Variants in HNF4A observed in about 807,000 individuals in gnomAD.
HNF4A encodes the protein hepatocyte nuclear factor 4 alpha.
Under a neutral mutation model 52.4 loss-of-function variants are expected in HNF4A, and 15 were observed. That is an observed-to-expected ratio of 0.29 (90% confidence interval 0.19 to 0.44). HNF4A has a LOEUF of 0.44. Among genes scored for constraint, HNF4A ranks in the 20% least tolerant of loss-of-function variants. The pLI, the probability that HNF4A is intolerant of heterozygous loss-of-function variation, is 1.00. For synonymous variants in HNF4A, 280 were observed against 264.4 expected (o/e 1.06, Z -0.57); for missense variants, 479 against 647.2 (o/e 0.74, Z 2.82).
intron 1 of HNF4A, among the ~76,000 whole-genome samples, chr20:44,367,473 G>A (rs1013198712): frequency 2.7e-5 from 4 of 150,598 alleles, no homozygotes; most frequent in African/African-American, 9.8e-5. Context: ...GTGAAATGCC[G>A]TCTTTACTAA....
chr20:44,381,723 G>A (rs542235932), intron 1 of HNF4A, among the ~76,000 whole-genome samples: 1 of 152,222 alleles, frequency 6.6e-6, no homozygotes, highest in East Asian at 1.9e-4. Flanking sequence ...TGATTCTTGT[G>A]CCTCAGCCTC....
intron 3 of HNF4A, among the ~76,000 whole-genome samples, chr20:44,409,855 T>G (rs1169862129): frequency 1.6e-5 from 2 of 125,170 alleles, no homozygotes; most frequent in Non-Finnish European, 3.4e-5. Flanking sequence ...TTTTTTTTTT[T>G]AGATGGAATT....
At chr20:44,382,048 G>C (rs1482584176) in intron 1 of HNF4A, among the ~76,000 whole-genome samples, 3 of 152,150 alleles carry the variant, frequency 2.0e-5, no homozygotes, top group African/African-American at 4.8e-5. Flanking sequence ...TATAGATGAA[G>C]CAAATAAGGC....
chr20:44,404,216 GA>G (rs2063450065), intron 1 of HNF4A, among the ~76,000 whole-genome samples: 2 of 152,178 alleles, frequency 1.3e-5, no homozygotes, highest in African/African-American at 4.8e-5. Context: ...ATACACATAT[GA>G]GAATTCACCG....
chr20:44,405,936 G>T lies in HNF4A; in HGVS notation c.116-122G>T, dbSNP rs1419870644. 5 of 909,542 alleles carry T rather than the reference G, an allele frequency of 5.5e-6. No homozygotes were observed. In the African/African-American group the frequency reaches 8.1e-5, roughly 15 times the overall value. 56.3% of individuals were successfully genotyped at this position (909,542 alleles called of 1,614,324 possible). A position where few individuals can be genotyped will look rare whatever the true frequency, so the allele number is the denominator to read the frequency against. On this transcript the variant is annotated intron_variant, in intron 1 of 9. Transcript: ENST00000316099. The stretch of plus-strand genomic sequence containing the variant: ...GGAGGTCACTGAGTGGGGAGGTGAT[G>T]GAGTGGGAACAGCCCCCAGATCTGG...
intron 1 of HNF4A, among the ~76,000 whole-genome samples, chr20:44,378,944 A>G (rs1439654074): frequency 4.6e-5 from 7 of 151,526 alleles, no homozygotes; most frequent in Non-Finnish European, 1.0e-4. Flanking sequence ...AGAAAAGAAA[A>G]GAAAAGAAAA....
At chr20:44,376,412 T>C (rs550998445) in intron 1 of HNF4A, among the ~76,000 whole-genome samples, 1 of 152,336 alleles carries the variant, frequency 6.6e-6, no homozygotes, top group East Asian at 1.9e-4. Context: ...TGGTTGACTT[T>C]TTTTTATAAT....
intron 1 of HNF4A, among the ~76,000 whole-genome samples, chr20:44,401,905 C>G (rs939091256): frequency 2.0e-5 from 3 of 151,828 alleles, no homozygotes; most frequent in Admixed American, 2.0e-4. Flanking sequence ...TGTTGTATCC[C>G]TGGAGATGGT....
chr20:44,390,389 A>G (rs1251773280), intron 1 of HNF4A: 3 of 500,926 alleles, frequency 6.0e-6, no homozygotes, highest in South Asian at 2.9e-5. Flanking sequence ...TCCCATTCCT[A>G]TTGGGGTTGG....
chr20:44,407,529 TC>T, intron 3 of HNF4A, 54 bp downstream of exon 3: 1 of 1,177,970 alleles, frequency 8.5e-7, no homozygotes, highest in South Asian at 1.3e-5. Context: ...CACCCACAGC[TC>T]CCCGACAGTC....
chr20:44,379,398 T>G (rs1169460479), intron 1 of HNF4A, among the ~76,000 whole-genome samples: 1 of 152,106 alleles, frequency 6.6e-6, no homozygotes, highest in East Asian at 1.9e-4. Flanking sequence ...AGCTGCACTA[T>G]TTTACGTTCC....
rs557560993 is a variant in HNF4A at position 44,424,354 on chromosome 20, T to C, written c.1129+100T>C. ...CCCCTCAGCTCCTTGGCTTCCCCAC[T>C]GTGCCGCTTTGGGCAAGTTGCTTAA... On this transcript the variant is annotated intron_variant, in intron 8 of 9. Transcript: ENST00000316099. 5 of 1,554,864 alleles carry C rather than the reference T, an allele frequency of 3.2e-6. No individual in the cohort carries two copies. The East Asian group carries it at 1.2e-4, about 37-fold the overall frequency.
At chr20:44,359,772 T>C (rs1215182497) in intron 1 of HNF4A, among the ~76,000 whole-genome samples, 1 of 151,770 alleles carries the variant, frequency 6.6e-6, no homozygotes, top group Non-Finnish European at 1.5e-5. Flanking sequence ...CTGGGGCACA[T>C]ATAACCCCAC....
intron 1 of HNF4A, among the ~76,000 whole-genome samples, chr20:44,372,163 G>A (rs536524000): frequency 2.0e-5 from 3 of 152,270 alleles, no homozygotes; most frequent in East Asian, 3.9e-4. Context: ...TTATTTGCAC[G>A]AGCAATCTTC....
At chr20:44,413,620 T>A in intron 3 of HNF4A, 74 bp from the exon 4 acceptor site, 2 of 995,916 alleles carry the variant, frequency 2.0e-6, no homozygotes, top group Non-Finnish European at 3.1e-6. Context: ...CTCCCACTCC[T>A]CATCAGTCAC....
intron 8 of HNF4A, among the ~76,000 whole-genome samples, chr20:44,426,719 A>T (rs1222531670): frequency 6.6e-6 from 1 of 152,168 alleles, no homozygotes; most frequent in Non-Finnish European, 1.5e-5. Flanking sequence ...AGGCAGGACA[A>T]TCACTTGAAC....
At chr20:44,374,707 G>A (rs953247362) in intron 1 of HNF4A, among the ~76,000 whole-genome samples, 2 of 152,086 alleles carry the variant, frequency 1.3e-5, no homozygotes, top group African/African-American at 2.4e-5. Context: ...CAGGTGATCC[G>A]CCCGCCTCGG....
rs1314876292 is a variant in HNF4A at position 44,390,823 on chromosome 20, G to A, written c.50-15235G>A. Reference sequence around the variant, plus strand: ...CTAACCCAGGAACGTCCATGGCCCTGATGGGTGAATGACGTTCCAATCAGA... The same window carrying A: ...CTAACCCAGGAACGTCCATGGCCCTAATGGGTGAATGACGTTCCAATCAGA... On this transcript the variant is annotated intron_variant, in intron 1 of 9. Transcript: ENST00000316673. 9.8e-6 allele frequency: 6 copies of A among 612,510 alleles called. No individual in the cohort carries two copies. In the Admixed American group the frequency reaches 1.7e-4, roughly 17 times the overall value. 37.9% of individuals were successfully genotyped at this position (612,510 alleles called of 1,614,324 possible).
chr20:44,390,623 A>G, intron 1 of HNF4A: 1 of 702,560 alleles, frequency 1.4e-6, no homozygotes, highest in Non-Finnish European at 2.6e-6. Context: ...GCGGGACCCC[A>G]TAGCAGCAGG....
Sources: gnomAD v4.1 joint callset for allele counts (sites outside exome capture counted in the v4.1 genomes callset) on GRCh38, gnomAD v4.1.1 for gene constraint, MANE v1.5 for transcripts, NCBI Gene and HGNC (gene_info 2026-07-23, HGNC 2026-07-21) for gene names.